Variants in DEPDC5 observed in about 807,000 individuals in gnomAD.
DEPDC5 encodes the protein DEP domain containing 5, GATOR1 subcomplex subunit.
Under a neutral mutation model 217.3 loss-of-function variants are expected in DEPDC5, and 73 were observed. The observed-to-expected ratio is 0.34, with a 90% CI of 0.28 to 0.41. DEPDC5 has a LOEUF of 0.41. DEPDC5 is among the 10% of genes least tolerant of loss of function. The pLI, the probability that DEPDC5 is intolerant of heterozygous loss-of-function variation, is 1.00. For synonymous variants in DEPDC5, 733 were observed against 756.7 expected, an observed-to-expected ratio of 0.97 and a Z score of 0.51; for missense variants, 1,675 against 2,070.1, an observed-to-expected ratio of 0.81 and a Z score of 3.70.
At chr22:31,815,798 A>G in intron 21 of DEPDC5, 2 of 1,248,316 alleles carry the variant, frequency 1.6e-6, no homozygotes, top group East Asian at 3.4e-5. Flanking sequence ...AAAAGTGCTG[A>G]GATTACAGGC....
intron 38 of DEPDC5, among the ~76,000 whole-genome samples, chr22:31,880,590 T>C (rs1393802244): frequency 6.6e-6 from 1 of 152,258 alleles, no homozygotes; most frequent in East Asian, 1.9e-4. Context: ...AACGGAGATG[T>C]TAATCGTCAT....
intron 20 of DEPDC5, among the ~76,000 whole-genome samples, chr22:31,811,022 G>A (rs920270695): frequency 1.2e-4 from 18 of 152,052 alleles, no homozygotes; most frequent in Admixed American, 9.2e-4. Flanking sequence ...TGATCTGCCC[G>A]CCTCGACCTC....
chr22:31,787,492 G>T (rs1569520591), intron 10 of DEPDC5, among the ~76,000 whole-genome samples: 1 of 152,222 alleles, frequency 6.6e-6, no homozygotes, highest in Non-Finnish European at 1.5e-5. Context: ...AAAAACTTTT[G>T]TGCATCAACG....
At chr22:31,867,983 C>T (rs1181012188) in intron 33 of DEPDC5, among the ~76,000 whole-genome samples, 1 of 152,172 alleles carries the variant, frequency 6.6e-6, no homozygotes, top group East Asian at 1.9e-4. Context: ...AGCTTATTCT[C>T]ATTTAAATTT....
intron 8 of DEPDC5, among the ~76,000 whole-genome samples, chr22:31,782,416 T>C (rs5998126): frequency 0.33 from 50,042 of 152,060 alleles, 9,434 homozygotes; most frequent in African/African-American, 0.53. Context: ...GGATTATGGG[T>C]GTCAGCCATC....
intron 10 of DEPDC5, among the ~76,000 whole-genome samples, chr22:31,788,488 G>A (rs996210286): frequency 2.7e-5 from 4 of 150,656 alleles, no homozygotes; most frequent in African/African-American, 7.3e-5. Context: ...ATGTTATCCA[G>A]GCTGATCTCG....
At chr22:31,888,553 T>A (rs1406947275) in intron 38 of DEPDC5, among the ~76,000 whole-genome samples, 1 of 148,488 alleles carries the variant, frequency 6.7e-6, no homozygotes, top group Non-Finnish European at 1.5e-5. Context: ...CACCCGGCTC[T>A]TTGTTTGTGT....
rs1424564303 is a variant in DEPDC5 at position 31,815,084 on chromosome 22, C to T, written c.1538C>T (p.Thr513Ile). 6.2e-7 allele frequency: 1 copy of T among 1,614,216 alleles called. No individual in the cohort carries two copies. The highest frequency in any genetic ancestry group is 1.3e-5 in the African/African-American group (1 of 75,042). ...TCCCTACCAAGCCGCACACTGCCCACTGAGGAAGTGAGGAGCCAGGCTTCT... is the reference window on the plus strand; with the variant it reads ...TCCCTACCAAGCCGCACACTGCCCATTGAGGAAGTGAGGAGCCAGGCTTCT... ...SPSLPSRTLP[T>I]EEVRSQASDD... Residue 513 changes from threonine (T) to isoleucine (I), a missense_variant, in exon 21 of 43, where the codon ACT becomes ATT. By Grantham distance (89) the Thr-to-Ile change is moderately conservative. Coordinates refer to ENST00000651528, the MANE Select transcript of DEPDC5 (RefSeq NM_001242896.3).
At chr22:31,873,567 G>T (rs61045927) in intron 35 of DEPDC5, among the ~76,000 whole-genome samples, 3 of 151,264 alleles carry the variant, frequency 2.0e-5, no homozygotes, top group Non-Finnish European at 4.4e-5. Flanking sequence ...GCTAGAGTGC[G>T]GTGTCGCCAT....
intron 7 of DEPDC5, among the ~76,000 whole-genome samples, chr22:31,774,700 G>C (rs1190406492): frequency 1.3e-5 from 2 of 152,060 alleles, no homozygotes; most frequent in Non-Finnish European, 2.9e-5. Flanking sequence ...AAAATTAGCT[G>C]GGTGTGGCTG....
intron 21 of DEPDC5, chr22:31,815,587 G>A: frequency 1.6e-6 from 1 of 615,662 alleles, no homozygotes; most frequent in Non-Finnish European, 2.8e-6. Context: ...GAAGTGCAGT[G>A]ATGCAATCAC....
chr22:31,856,424 T>G (rs1270767056), intron 31 of DEPDC5, among the ~76,000 whole-genome samples: 1 of 152,128 alleles, frequency 6.6e-6, no homozygotes, highest in Non-Finnish European at 1.5e-5. Context: ...TATATTATAG[T>G]AATAATGAAG....
intron 33 of DEPDC5, 50 bp from the exon 34 acceptor site, chr22:31,870,540 T>A: frequency 6.9e-7 from 1 of 1,455,636 alleles, no homozygotes; most frequent in Non-Finnish European, 9.1e-7. Flanking sequence ...TACTGTGTTT[T>A]CCTGTCAGTT....
In DEPDC5 at chr22:31,864,500, A is replaced by G. The variant is rs535719159; in HGVS notation, c.3330+3067A>G. ...ACCTTCTGAACCTGTTTCTTCATTAAAATATATATATATATATATATATAT... is the reference window on the plus strand; with the variant it reads ...ACCTTCTGAACCTGTTTCTTCATTAGAATATATATATATATATATATATAT... On this transcript the variant is annotated intron_variant, in intron 33 of 42. Coordinates refer to ENST00000651528, the MANE Select transcript of DEPDC5 (RefSeq NM_001242896.3). 1.6e-3 allele frequency among the ~76,000 whole-genome samples: 202 copies of G among 128,224 alleles called. 2 individuals are homozygous for G. The highest frequency in any genetic ancestry group is 3.9e-3 in the Middle Eastern group (1 of 258). The allele number at this position is 128,224 out of a possible 152,430, so 84.1% of individuals were successfully genotyped here.
intron 24 of DEPDC5, among the ~76,000 whole-genome samples, chr22:31,827,158 C>G (rs976907997): frequency 6.6e-6 from 1 of 152,044 alleles, no homozygotes; most frequent in Non-Finnish European, 1.5e-5. Context: ...GTGGGGTCAT[C>G]TTTTCCCTTT....
intron 18 of DEPDC5, among the ~76,000 whole-genome samples, chr22:31,809,248 A>G (rs5998134): frequency 0.11 from 16,985 of 152,222 alleles, 1,014 homozygotes; most frequent in Admixed American, 0.15. Flanking sequence ...GGAGGCATGC[A>G]GCATTTGGGT....
intron 10 of DEPDC5, among the ~76,000 whole-genome samples, chr22:31,788,264 A>ATTTT (rs75378797): frequency 1.8e-4 from 16 of 90,700 alleles, no homozygotes; most frequent in African/African-American, 3.5e-4. Context: ...GGATGACTGT[A>ATTTT]TTTTTTTTTT....
In DEPDC5 at chr22:31,757,730, G is replaced by C. The variant is rs148475422; in HGVS notation, c.59-816G>C. Among the ~76,000 whole-genome samples the C allele has an allele frequency of 2.0e-5, 3 of 152,138 alleles. No homozygotes were observed. The East Asian group carries it at 5.8e-4, about 29-fold the overall frequency. On this transcript the variant is annotated intron_variant, in intron 2 of 42. Coordinates refer to ENST00000651528, the MANE Select transcript of DEPDC5 (RefSeq NM_001242896.3). ...CTCCCCATCCCTAGTAGAGGGGCAG[G>C]GGTAGATAAACATGAAACCACATCC... is the stretch of plus-strand genomic sequence containing the variant.
intron 15 of DEPDC5, among the ~76,000 whole-genome samples, chr22:31,803,563 C>T (rs770799199): frequency 6.6e-6 from 1 of 152,030 alleles, no homozygotes; most frequent in Admixed American, 6.6e-5. Context: ...CCAGTCCTTC[C>T]TCCATGATGT....
Sources: gnomAD v4.1 joint callset for allele counts (sites outside exome capture counted in the v4.1 genomes callset) on GRCh38, gnomAD v4.1.1 for gene constraint, MANE v1.5 for transcripts, NCBI Gene and HGNC (gene_info 2026-07-23, HGNC 2026-07-21) for gene names.